The following ADRA2A variants were observed in gnomAD, a reference collection of about 807,000 sequenced individuals.
The protein encoded by ADRA2A is adrenoceptor alpha 2A, also known as alpha-2A adrenergic receptor.
In ADRA2A, 6 loss-of-function variants were observed where a neutral mutation model predicts 5.9. The ratio of observed to expected loss-of-function variants is 1.01; its 90% CI spans 0.55 to 2.00. ADRA2A has a LOEUF of 2.00. Ranked by LOEUF, ADRA2A falls within the 30% of genes most tolerant of loss-of-function variation. The pLI, the probability that ADRA2A is intolerant of heterozygous loss-of-function variation, is 0.00. For missense variants in ADRA2A, 647 were observed against 690.0 expected (o/e 0.94, Z 0.70); for synonymous variants, 345 against 325.9 (o/e 1.06, Z -0.63).
Position 111,080,907 on chromosome 10 carries a change from A to T in ADRA2A, c.*1513A>T, listed in dbSNP as rs554713902. On this transcript the variant is annotated 3_prime_UTR_variant, in exon 1 of 1. Transcript: ENST00000280155. ...AAAATAAAAAATGTACATTATAAAA[A>T]TTTTTTAAACGTTCCATCAGTAACA... 6.2e-5 allele frequency: 10 copies of T among 161,894 alleles called. No individual in the cohort carries two copies. Among genetic ancestry groups the T allele is most frequent in the East Asian group, 3.8e-4 (2 of 5,198 alleles). 10.0% of individuals were successfully genotyped at this position (161,894 alleles called of 1,614,324 possible). A position where few individuals can be genotyped will look rare whatever the true frequency, so the allele number is the denominator to read the frequency against.
chr10:111,079,445 G>T lies in ADRA2A; in HGVS notation c.*51G>T, dbSNP rs762388343. ...TCACGCTGACTGCAGGCAGCGGGGG[G>T]CATCGAGGGGTGCTTAGCCCCAGGG... On this transcript the variant is annotated 3_prime_UTR_variant, in exon 1 of 1. Coordinates refer to ENST00000280155, the MANE Select transcript of ADRA2A (RefSeq NM_000681.4). The T allele has an allele frequency of 2.3e-5, 36 of 1,584,814 alleles. No homozygotes were observed. The highest frequency in any genetic ancestry group is 1.9e-4 in the Middle Eastern group (1 of 5,276).
chr10:111,077,224 GA>G lies in ADRA2A; in HGVS notation c.-772del, dbSNP rs559683963. 1 of 152,458 alleles carries G rather than the reference GA, an allele frequency of 6.6e-6. No homozygotes were observed. Among genetic ancestry groups the G allele is most frequent in the African/African-American group, 2.4e-5 (1 of 41,450 alleles). The allele number at this position is 152,458 out of a possible 1,614,324, so 9.4% of individuals were successfully genotyped here. On this transcript the variant is annotated 5_prime_UTR_variant, in exon 1 of 1. Coordinates refer to ENST00000280155, the MANE Select transcript of ADRA2A (RefSeq NM_000681.4). ...CCCTGCCTCCGTCGCGGCTCCTGGA[GA>G]GCTGATCGTTCACCTGCCCCGGCCC...
Position 111,079,590 on chromosome 10 carries a change from A to G in ADRA2A, c.*196A>G. The G allele has an allele frequency of 1.6e-6, 1 of 639,422 alleles. No individual in the cohort carries two copies. Among genetic ancestry groups the G allele is most frequent in the Non-Finnish European group, 2.8e-6 (1 of 360,162 alleles). 39.6% of individuals were successfully genotyped at this position (639,422 alleles called of 1,614,324 possible). ...AAGCTTCTTGCTGCCAGGCCCACAC[A>G]TCCCCAGTTGTTGGTTTGGCCACTC... On this transcript the variant is annotated 3_prime_UTR_variant, in exon 1 of 1. Coordinates refer to ENST00000280155, the MANE Select transcript of ADRA2A (RefSeq NM_000681.4).
rs1315271143 is a variant in ADRA2A at position 111,078,778 on chromosome 10, C to T, written c.782C>T (p.Thr261Ile). ...GCCGTCGCCGCGCCGCCGGGGGGCA[C>T]CGAGCGCAGGCCCAACGGTCTGGGC... ...PDAVAAPPGGTERRPNGLGPE... is the reference protein window; with the variant it reads ...PDAVAAPPGGIERRPNGLGPE... The change falls in exon 1 of 1, where the codon ACC (threonine) becomes ATC (isoleucine). Residue 261 changes from threonine (T) to isoleucine (I), a missense_variant. Thr to Ile is a moderately conservative substitution (Grantham distance 89). Transcript: ENST00000280155. The T allele has an allele frequency of 7.1e-7, 1 of 1,416,552 alleles. No homozygotes were observed. Among genetic ancestry groups the T allele is most frequent in the Non-Finnish European group, 9.2e-7 (1 of 1,089,768 alleles). 87.7% of individuals were successfully genotyped at this position (1,416,552 alleles called of 1,614,324 possible). A position where few individuals can be genotyped will look rare whatever the true frequency, so the allele number is the denominator to read the frequency against.
chr10:111,079,564 G>C lies in ADRA2A; in HGVS notation c.*170G>C. The C allele has an allele frequency of 1.4e-6, 1 of 698,368 alleles. No individual in the cohort carries two copies. Among genetic ancestry groups the C allele is most frequent in the African/African-American group, 1.8e-5 (1 of 55,446 alleles). The allele number at this position is 698,368 out of a possible 1,614,324, so 43.3% of individuals were successfully genotyped here. On this transcript the variant is annotated 3_prime_UTR_variant, in exon 1 of 1. Transcript: ENST00000280155. ...GCGGGCGTCTGCTGCTCCTACAAGG[G>C]AAGCTTCTTGCTGCCAGGCCCACAC...
At position 111,079,267 on chromosome 10, in the gene ADRA2A, A is replaced by G. The variant is rs866925537; in HGVS notation, c.1271A>G (p.Lys424Arg). ...VGCSVPRTLFKFFFWFGYCNS... is the reference protein window; with the variant it reads ...VGCSVPRTLFRFFFWFGYCNS... The stretch of plus-strand genomic sequence containing the variant: ...TGCTCCGTGCCACGCACGCTCTTCA[A>G]ATTCTTCTTCTGGTTCGGCTACTGC... The change falls in exon 1 of 1, where the codon AAA becomes AGA. Residue 424 changes from lysine to arginine, a missense_variant. By Grantham distance (26) the Lys-to-Arg change is conservative. This residue lies in a region of ADRA2A where 62 missense variants were observed against 59.8 expected (regional missense o/e 1.04). Coordinates refer to ENST00000280155, the MANE Select transcript of ADRA2A (RefSeq NM_000681.4). 1.2e-6 allele frequency: 2 copies of G among 1,613,956 alleles called. No homozygotes were observed. Among genetic ancestry groups the G allele is most frequent in the Non-Finnish European group, 1.7e-6 (2 of 1,180,006 alleles).
In ADRA2A at chr10:111,079,583, C is replaced by T. The variant is rs1843574453; in HGVS notation, c.*189C>T. On this transcript the variant is annotated 3_prime_UTR_variant, in exon 1 of 1. Transcript: ENST00000280155. ...ACAAGGGAAGCTTCTTGCTGCCAGG[C>T]CCACACATCCCCAGTTGTTGGTTTG... is the stretch of plus-strand genomic sequence containing the variant. 4.7e-6 allele frequency: 3 copies of T among 644,004 alleles called. No individual in the cohort carries two copies. In the Admixed American group the frequency reaches 8.8e-5, roughly 19 times the overall value. The allele number at this position is 644,004 out of a possible 1,614,324, so 39.9% of individuals were successfully genotyped here. A position where few individuals can be genotyped will look rare whatever the true frequency, so the allele number is the denominator to read the frequency against.
At position 111,078,964 on chromosome 10, in the gene ADRA2A, C is replaced by A. The variant is rs1436373474; in HGVS notation, c.968C>A (p.Pro323His). The A allele has an allele frequency of 8.1e-6, 10 of 1,237,470 alleles. No individual in the cohort carries two copies. In the East Asian group the frequency reaches 3.1e-4, roughly 39 times the overall value. 76.7% of individuals were successfully genotyped at this position (1,237,470 alleles called of 1,614,324 possible). ...SSDHAERPPG[P>H]RRPERGPRGK... The stretch of plus-strand genomic sequence containing the variant: ...GACCACGCCGAGCGGCCTCCAGGGC[C>A]CCGCAGACCCGAGCGCGGTCCCCGG... The change falls in exon 1 of 1, where the codon CCC becomes CAC. Residue 323 changes from proline to histidine, a missense_variant. Pro to His is a moderately conservative substitution (Grantham distance 77, BLOSUM62 -2). Coordinates refer to ENST00000280155, the MANE Select transcript of ADRA2A (RefSeq NM_000681.4).
Position 111,079,194 on chromosome 10 carries a change from G to A in ADRA2A, c.1198G>A (p.Val400Met), listed in dbSNP as rs1564745896. ...VLAVVIGVFV[V>M]CWFPFFFTYT... ...GGCCGTGGTCATCGGAGTGTTCGTGGTGTGCTGGTTCCCCTTCTTCTTCAC... is the reference window on the plus strand; with the variant it reads ...GGCCGTGGTCATCGGAGTGTTCGTGATGTGCTGGTTCCCCTTCTTCTTCAC... The change falls in exon 1 of 1, where the codon GTG becomes ATG. Residue 400 changes from valine (V) to methionine (M), a missense_variant. Transcript: ENST00000280155. 1 of 1,614,062 alleles carries A rather than the reference G, an allele frequency of 6.2e-7. No individual in the cohort carries two copies. The highest frequency in any genetic ancestry group is 8.5e-7 in the Non-Finnish European group (1 of 1,180,010).
In ADRA2A at chr10:111,078,839, C is replaced by T; in HGVS notation, c.843C>T (p.Ala281=). Reference sequence around the variant, plus strand: ...GCGCGGGCCCGGGGGGCGCAGAGGCCGAACCGCTGCCCACCCAGCTCAACG... The same window carrying T: ...GCGCGGGCCCGGGGGGCGCAGAGGCTGAACCGCTGCCCACCCAGCTCAACG... The part of the protein sequence containing the change: ...ERSAGPGGAE[A]EPLPTQLNGA... The change falls in exon 1 of 1, where the codon GCC becomes GCT. Residue 281 remains alanine (A), a synonymous_variant. Coordinates refer to ENST00000280155, the MANE Select transcript of ADRA2A (RefSeq NM_000681.4). The T allele has an allele frequency of 8.2e-7, 1 of 1,217,948 alleles. No individual in the cohort carries two copies. Among genetic ancestry groups the T allele is most frequent in the Non-Finnish European group, 1.0e-6 (1 of 978,960 alleles). The allele number at this position is 1,217,948 out of a possible 1,614,324, so 75.4% of individuals were successfully genotyped here. A position where few individuals can be genotyped will look rare whatever the true frequency, so the allele number is the denominator to read the frequency against.
At position 111,079,923 on chromosome 10, in the gene ADRA2A, T is replaced by TG. The variant is rs1564746169; in HGVS notation, c.*531dup. On this transcript the variant is annotated 3_prime_UTR_variant, in exon 1 of 1. Transcript: ENST00000280155. ...ATGGGGCCCCCATATCTCTTGGCCTTGGTTTTGATGTTGAAATCCTGGCCT... is the reference window on the plus strand; with the variant it reads ...ATGGGGCCCCCATATCTCTTGGCCTTGGGTTTTGATGTTGAAATCCTGGCCT... 2 of 168,712 alleles carry TG rather than the reference T, an allele frequency of 1.2e-5. No homozygotes were observed. Among genetic ancestry groups the TG allele is most frequent in the Non-Finnish European group, 2.9e-5 (2 of 69,240 alleles). The allele number at this position is 168,712 out of a possible 1,614,324, so 10.5% of individuals were successfully genotyped here.
Position 111,078,609 on chromosome 10 carries a change from A to T in ADRA2A, c.613A>T (p.Ile205Phe). Residue 205 changes from isoleucine (I) to phenylalanine (F), a missense_variant, in exon 1 of 1, where the codon ATC (isoleucine) becomes TTC (phenylalanine). Coordinates refer to ENST00000280155, the MANE Select transcript of ADRA2A (RefSeq NM_000681.4). ...GPQPAEPRCE[I>F]NDQKWYVISS... Reference sequence around the variant, plus strand: ...GCAGCCGGCCGAGCCGCGCTGCGAGATCAACGACCAGAAGTGGTACGTCAT... The same window carrying T: ...GCAGCCGGCCGAGCCGCGCTGCGAGTTCAACGACCAGAAGTGGTACGTCAT... 1 of 1,598,648 alleles carries T rather than the reference A, an allele frequency of 6.3e-7. No individual in the cohort carries two copies. Among genetic ancestry groups the T allele is most frequent in the Non-Finnish European group, 8.5e-7 (1 of 1,172,664 alleles).
rs1843557475 is a variant in ADRA2A at position 111,078,372 on chromosome 10, G to A, written c.376G>A (p.Ala126Thr). The A allele has an allele frequency of 1.2e-6, 2 of 1,613,888 alleles. No individual in the cohort carries two copies. Among genetic ancestry groups the A allele is most frequent in the Non-Finnish European group, 1.7e-6 (2 of 1,180,004 alleles). Residue 126 changes from alanine (A) to threonine (T), a missense_variant, in exon 1 of 1, where the codon GCG becomes ACG. This residue lies in a region of ADRA2A where 577 missense variants were observed against 605.4 expected (regional missense o/e 0.95). Coordinates refer to ENST00000280155, the MANE Select transcript of ADRA2A (RefSeq NM_000681.4). ...FGKAWCEIYL[A>T]LDVLFCTSSI... ...CAAGGCTTGGTGCGAGATCTACCTG[G>A]CGCTCGACGTGCTCTTCTGCACGTC...
Position 111,078,733 on chromosome 10 carries a change from C to A in ADRA2A, c.737C>A (p.Pro246His), listed in dbSNP as rs1843563897. The A allele has an allele frequency of 6.8e-7, 1 of 1,480,948 alleles. No individual in the cohort carries two copies. The highest frequency in any genetic ancestry group is 2.6e-5 in the East Asian group (1 of 39,156). 91.7% of individuals were successfully genotyped at this position (1,480,948 alleles called of 1,614,324 possible). Reference sequence around the variant, plus strand: ...GCCAAGCGTCGCACCCGCGTGCCACCCAGCCGCCGGGGTCCGGACGCCGTC... The same window carrying A: ...GCCAAGCGTCGCACCCGCGTGCCACACAGCCGCCGGGGTCCGGACGCCGTC... ...QIAKRRTRVP[P>H]SRRGPDAVAA... is the part of the protein sequence containing the mutation. The change falls in exon 1 of 1, where the codon CCC becomes CAC. Residue 246 changes from proline (P) to histidine (H), a missense_variant. Coordinates refer to ENST00000280155, the MANE Select transcript of ADRA2A (RefSeq NM_000681.4).
rs1380192585 is a variant in ADRA2A, at chr10:111,077,889, A to G, written c.-108A>G. 6 of 1,314,096 alleles carry G rather than the reference A, an allele frequency of 4.6e-6. No homozygotes were observed. The highest frequency in any genetic ancestry group is 1.6e-5 in the African/African-American group (1 of 64,476). 81.4% of individuals were successfully genotyped at this position (1,314,096 alleles called of 1,614,324 possible). On this transcript the variant is annotated 5_prime_UTR_variant, in exon 1 of 1. An upstream start codon of the reference 5' UTR is lost. Transcript: ENST00000280155. ...CCGGCCTCCCTGCGGCCCCCTCCCTATGTGAGCCGCAGCCAGGCGAGCGGG... is the reference window on the plus strand; with the variant it reads ...CCGGCCTCCCTGCGGCCCCCTCCCTGTGTGAGCCGCAGCCAGGCGAGCGGG...
rs901576136 is a variant in ADRA2A at position 111,079,292 on chromosome 10, C to T, written c.1296C>T (p.Cys432=). The T allele has an allele frequency of 6.8e-6, 11 of 1,613,946 alleles. No homozygotes were observed. The highest frequency in any genetic ancestry group is 9.3e-6 in the Non-Finnish European group (11 of 1,179,982). ...LFKFFFWFGY[C]NSSLNPVIYT... is the part of the protein sequence containing the mutation. Reference sequence around the variant, plus strand: ...AATTCTTCTTCTGGTTCGGCTACTGCAACAGCTCGTTGAACCCGGTCATCT... The same window carrying T: ...AATTCTTCTTCTGGTTCGGCTACTGTAACAGCTCGTTGAACCCGGTCATCT... The change falls in exon 1 of 1, where the codon TGC becomes TGT. Residue 432 remains cysteine (C), a synonymous_variant. Coordinates refer to ENST00000280155, the MANE Select transcript of ADRA2A (RefSeq NM_000681.4).
rs1589531366 is a variant in ADRA2A, at chr10:111,077,828, C to T, written c.-169C>T. 9.0e-7 allele frequency: 1 copy of T among 1,113,628 alleles called. No homozygotes were observed. Among genetic ancestry groups the T allele is most frequent in the South Asian group, 4.1e-5 (1 of 24,646 alleles). 69.0% of individuals were successfully genotyped at this position (1,113,628 alleles called of 1,614,324 possible). A position where few individuals can be genotyped will look rare whatever the true frequency, so the allele number is the denominator to read the frequency against. On this transcript the variant is annotated 5_prime_UTR_variant, in exon 1 of 1. Coordinates refer to ENST00000280155, the MANE Select transcript of ADRA2A (RefSeq NM_000681.4). ...CGAGCCAGGCGCAGTTCGCGGGACC[C>T]GGGCCATGGGCCGCTAGCGGTCCTC...
In ADRA2A at chr10:111,078,004, G is replaced by A. The variant is rs1843550638; in HGVS notation, c.8G>A (p.Arg3His). 3 of 1,411,696 alleles carry A rather than the reference G, an allele frequency of 2.1e-6. No homozygotes were observed. Among genetic ancestry groups the A allele is most frequent in the Non-Finnish European group, 2.8e-6 (3 of 1,090,012 alleles). The allele number at this position is 1,411,696 out of a possible 1,614,324, so 87.4% of individuals were successfully genotyped here. ...CAGCGGGCGCCCGCGTTCATGTTCC[G>A]CCAGGAGCAGCCGTTGGCCGAGGGC... is the stretch of plus-strand genomic sequence containing the variant. MFRQEQPLAEGSF... is the reference protein window; with the variant it reads MFHQEQPLAEGSF... The change falls in exon 1 of 1, where the codon CGC (arginine) becomes CAC (histidine). Residue 3 changes from arginine (R) to histidine (H), a missense_variant. Around this residue, in one of 3 missense-constraint regions of ADRA2A, gnomAD observed 577 missense variants for 605.4 expected, o/e 0.95. Transcript: ENST00000280155.
At position 111,078,121 on chromosome 10, in the gene ADRA2A, C is replaced by G; in HGVS notation, c.125C>G (p.Pro42Arg). ...CCGGGGGGCGGCGCCCGGGCCACCCCTTACTCCCTGCAGGTGACGCTGACG... is the reference window on the plus strand; with the variant it reads ...CCGGGGGGCGGCGCCCGGGCCACCCGTTACTCCCTGCAGGTGACGCTGACG... ...EAPGGGARAT[P>R]YSLQVTLTLV... The change falls in exon 1 of 1, where the codon CCT becomes CGT. Residue 42 changes from proline to arginine, a missense_variant. This residue lies in a region of ADRA2A where 577 missense variants were observed against 605.4 expected (regional missense o/e 0.95). Coordinates refer to ENST00000280155, the MANE Select transcript of ADRA2A (RefSeq NM_000681.4). 1 of 1,592,794 alleles carries G rather than the reference C, an allele frequency of 6.3e-7. No individual in the cohort carries two copies. The highest frequency in any genetic ancestry group is 8.5e-7 in the Non-Finnish European group (1 of 1,173,246).
Sources: allele counts gnomAD v4.1 joint callset, GRCh38; gene constraint gnomAD v4.1.1; regional missense constraint gnomAD v4.1.1; transcripts MANE v1.5; gene names NCBI Gene and HGNC (gene_info 2026-07-23, HGNC 2026-07-21).